SYN3: variants seen among roughly 807,000 people sequenced by gnomAD.
The protein encoded by SYN3 is synapsin III.
SYN3 carries 35 observed loss-of-function variants against 65.8 expected under a neutral mutation model. The ratio of observed to expected loss-of-function variants is 0.53; its 90% CI spans 0.41 to 0.70. SYN3 has a LOEUF of 0.70. Ranked by LOEUF, SYN3 falls within the 30% of genes least tolerant of loss-of-function variation. SYN3 has a pLI of 0.00. For synonymous variants in SYN3, 270 were observed against 292.9 expected (o/e 0.92, Z 0.80); for missense variants, 680 against 749.0 (o/e 0.91, Z 1.08).
At chr22:32,527,706 T>C (rs2058002788) in intron 12 of SYN3, 2 of 542,512 alleles carry the variant, frequency 3.7e-6, no homozygotes, top group Non-Finnish European at 6.5e-6. Flanking sequence ...GCTTGGTGCA[T>C]ATTAGGTTCT....
chr22:32,712,298 T>C (rs926601082), intron 6 of SYN3, among the ~76,000 whole-genome samples: 3 of 152,212 alleles, frequency 2.0e-5, no homozygotes, highest in Non-Finnish European at 4.4e-5. Context: ...CTTCCTAATA[T>C]TGCTGTTTTA....
At chr22:32,521,350 A>G (rs1406173242) in intron 12 of SYN3, among the ~76,000 whole-genome samples, 1 of 152,004 alleles carries the variant, frequency 6.6e-6, no homozygotes, top group East Asian at 1.9e-4. Flanking sequence ...CGCCAGGGAC[A>G]GTTGCTGTAT....
intron 1 of SYN3, among the ~76,000 whole-genome samples, chr22:33,020,233 C>A (rs1220937721): frequency 6.6e-6 from 1 of 152,134 alleles, no homozygotes; most frequent in African/African-American, 2.4e-5. Flanking sequence ...CACATAGACC[C>A]AATCCTAGGA....
chr22:32,950,697 A>T (rs1330667223), intron 3 of SYN3, among the ~76,000 whole-genome samples: 1 of 152,146 alleles, frequency 6.6e-6, no homozygotes, highest in East Asian at 1.9e-4. Context: ...TTTGGCTTCA[A>T]GGGAGGGTAA....
chr22:32,572,450 T>C (rs1303155949), intron 7 of SYN3, among the ~76,000 whole-genome samples: 4 of 109,492 alleles, frequency 3.7e-5, no homozygotes, highest in Non-Finnish European at 5.7e-5. Flanking sequence ...CTCCTTCCTT[T>C]CCTCCCTTCC....
At chr22:32,974,978 G>A (rs2052139240) in intron 3 of SYN3, among the ~76,000 whole-genome samples, 1 of 152,050 alleles carries the variant, frequency 6.6e-6, no homozygotes, top group Admixed American at 6.6e-5. Flanking sequence ...TCTTACTCTG[G>A]AGCCACGATC....
chr22:32,790,583 G>A (rs2046303700), intron 6 of SYN3, among the ~76,000 whole-genome samples: 1 of 152,012 alleles, frequency 6.6e-6, no homozygotes, highest in Non-Finnish European at 1.5e-5. Context: ...GTGCTACCAA[G>A]CTTGGCTAAT....
intron 6 of SYN3, among the ~76,000 whole-genome samples, chr22:32,646,079 T>C (rs1601832122): frequency 6.6e-6 from 1 of 152,042 alleles, no homozygotes; most frequent in Non-Finnish European, 1.5e-5. Flanking sequence ...AACGTCCAGG[T>C]GGATGGAGCC....
Position 32,612,267 on chromosome 22 carries a change from C to T in SYN3, c.712-15531G>A, listed in dbSNP as rs145271504. 7.7e-4 allele frequency among the ~76,000 whole-genome samples: 118 copies of T among 152,274 alleles called. 1 individual carries two copies. The highest frequency in any genetic ancestry group is 3.4e-3 in the Middle Eastern group (1 of 294). ...CAGGGACTTATGCGAACTCCAACTC[C>T]AACTCCAACCAGTCAGACAAAAGTG... On this transcript the variant is annotated intron_variant, in intron 6 of 13. Transcript: ENST00000358763.
intron 8 of SYN3, among the ~76,000 whole-genome samples, chr22:32,541,054 T>A (rs1243459892): frequency 6.6e-6 from 1 of 152,204 alleles, no homozygotes; most frequent in Non-Finnish European, 1.5e-5. Flanking sequence ...AAATTCCCTT[T>A]AAAAACCCAT....
intron 2 of SYN3, among the ~76,000 whole-genome samples, chr22:33,002,801 T>C (rs2053098172): frequency 6.6e-6 from 1 of 152,190 alleles, no homozygotes; most frequent in Non-Finnish European, 1.5e-5. Context: ...TGCATTCATT[T>C]ATTCAGTTAA....
At chr22:32,577,951 T>C (rs976786220) in intron 7 of SYN3, among the ~76,000 whole-genome samples, 1 of 152,246 alleles carries the variant, frequency 6.6e-6, no homozygotes, top group African/African-American at 2.4e-5. Context: ...TCCTGATATA[T>C]GGAAGATTTA....
In SYN3 at chr22:32,788,317, G is replaced by A. The variant is rs541481700; in HGVS notation, c.711+76598C>T. ...AGCACTTTTAGAGGCCAAGATGGAC[G>A]AATCACGAGGTCAGGAGTTCGAGAC... On this transcript the variant is annotated intron_variant, in intron 6 of 13. Coordinates refer to ENST00000358763, the MANE Select transcript of SYN3 (RefSeq NM_003490.4). Among the ~76,000 whole-genome samples, 9 of 152,210 alleles carry A rather than the reference G, an allele frequency of 5.9e-5. 1 individual carries two copies. The East Asian group carries it at 7.7e-4, about 13-fold the overall frequency.
At chr22:32,587,119 G>A (rs1376229968) in intron 7 of SYN3, among the ~76,000 whole-genome samples, 1 of 151,778 alleles carries the variant, frequency 6.6e-6, no homozygotes, top group African/African-American at 2.4e-5. Context: ...CTACTCAGGA[G>A]GCTGAGGCAG....
chr22:33,020,354 C>T (rs531584510), intron 1 of SYN3, among the ~76,000 whole-genome samples: 10 of 152,266 alleles, frequency 6.6e-5, no homozygotes, highest in African/African-American at 2.4e-4. Flanking sequence ...GATCTCTTGG[C>T]AGGACCTTGT....
chr22:32,692,325 TG>T (rs2060675775), intron 6 of SYN3, among the ~76,000 whole-genome samples: 1 of 152,152 alleles, frequency 6.6e-6, no homozygotes, highest in Admixed American at 6.5e-5. Flanking sequence ...CAGAGCAGCC[TG>T]GGAGGTGGGG....
intron 7 of SYN3, among the ~76,000 whole-genome samples, chr22:32,563,666 G>T (rs1319308366): frequency 6.6e-6 from 1 of 152,068 alleles, no homozygotes; most frequent in African/African-American, 2.4e-5. Flanking sequence ...ACAACCTGGA[G>T]CCCTGCTAGT....
At position 32,596,680 on chromosome 22, in the gene SYN3, C is replaced by T; in HGVS notation, c.768G>A (p.Met256Ile). 6.2e-7 allele frequency: 1 copy of T among 1,613,974 alleles called. No homozygotes were observed. The highest frequency in any genetic ancestry group is 8.5e-7 in the Non-Finnish European group (1 of 1,179,962). The change falls in exon 7 of 14, where the codon ATG becomes ATA. Residue 256 changes from methionine (M) to isoleucine (I), a missense_variant. Coordinates refer to ENST00000358763, the MANE Select transcript of SYN3 (RefSeq NM_003490.4). ...VVKLGHAHAG[M>I]GKIKVENQLD... ...GAAGGGCTGTTTCTCATACCTTTCC[C>T]ATTCCAGCGTGGGCATGTCCCAGCT...
intron 6 of SYN3, among the ~76,000 whole-genome samples, chr22:32,642,724 G>A (rs189399026): frequency 2.0e-4 from 31 of 151,964 alleles, no homozygotes; most frequent in Admixed American, 1.2e-3. Flanking sequence ...CACCGTACCC[G>A]GCCTTATTTT....
Sources: gnomAD v4.1 joint callset for allele counts (sites outside exome capture counted in the v4.1 genomes callset) on GRCh38, gnomAD v4.1.1 for gene constraint, MANE v1.5 for transcripts, NCBI Gene and HGNC (gene_info 2026-07-23, HGNC 2026-07-21) for gene names.